Variants in PTPRT observed in about 807,000 individuals in gnomAD.
PTPRT encodes the protein protein tyrosine phosphatase receptor type T, also known as receptor-type tyrosine-protein phosphatase T.
PTPRT carries 56 observed loss-of-function variants against 176.8 expected under a neutral mutation model. The ratio of observed to expected loss-of-function variants is 0.32; its 90% CI spans 0.26 to 0.40. PTPRT has a LOEUF of 0.40. Ranked by LOEUF, PTPRT falls within the 10% of genes least tolerant of loss-of-function variation. The pLI is 1.00. For missense variants in PTPRT, 1,540 were observed against 1,908.2 expected, an observed-to-expected ratio of 0.81 and a Z score of 3.60; for synonymous variants, 783 against 739.0, an observed-to-expected ratio of 1.06 and a Z score of -0.96.
intron 16 of PTPRT, among the ~76,000 whole-genome samples, chr20:42,178,065 G>T (rs1480774738): frequency 1.3e-5 from 2 of 152,062 alleles, no homozygotes; most frequent in Non-Finnish European, 2.9e-5. Context: ...AGCCTCCCAA[G>T]TAGCTGGGAT....
intron 1 of PTPRT, among the ~76,000 whole-genome samples, chr20:43,060,942 C>T (rs1987430454): frequency 6.6e-6 from 1 of 151,862 alleles, no homozygotes; most frequent in African/African-American, 2.4e-5. Context: ...ACTTTCTAAC[C>T]CATATATTTA....
the PTPRT span, among the ~76,000 whole-genome samples, chr20:42,038,650 T>TA: frequency 1.3e-5 from 2 of 152,118 alleles, no homozygotes; most frequent in Admixed American, 6.5e-5. Flanking sequence ...TTCCCACCCT[T>TA]AAAAGGAGAG....
Position 42,976,687 on chromosome 20 carries a change from G to A in PTPRT, c.89-90755C>T, listed in dbSNP as rs540356723. Among the ~76,000 whole-genome samples, 8 of 152,186 alleles carry A rather than the reference G, an allele frequency of 5.3e-5. No homozygotes were observed. In the South Asian group the frequency reaches 1.0e-3, roughly 20 times the overall value. ...CTCCCCAAGTGCTGGGATTACAGGC[G>A]TGAGCCACCACACTCAGGCTGTTTA... On this transcript the variant is annotated intron_variant, in intron 1 of 30. Transcript: ENST00000373187.
chr20:42,581,325 C>A (rs776479549), intron 7 of PTPRT, among the ~76,000 whole-genome samples: 2 of 152,188 alleles, frequency 1.3e-5, no homozygotes, highest in African/African-American at 2.4e-5. Flanking sequence ...TTTTCTCTTA[C>A]TACCTTTTAG....
chr20:42,083,845 C>T (rs1023755694), intron 29 of PTPRT, among the ~76,000 whole-genome samples: 1 of 152,210 alleles, frequency 6.6e-6, no homozygotes, highest in Non-Finnish European at 1.5e-5. Flanking sequence ...ATATTTCACA[C>T]ATAGCTGTTA....
chr20:43,082,750 T>A (rs183341630), intron 1 of PTPRT, among the ~76,000 whole-genome samples: 3 of 152,086 alleles, frequency 2.0e-5, no homozygotes, highest in Non-Finnish European at 4.4e-5. Flanking sequence ...AACATAGAAA[T>A]TGACCCCCCC....
intron 7 of PTPRT, among the ~76,000 whole-genome samples, chr20:42,484,194 G>T (rs2071431741): frequency 6.6e-6 from 1 of 152,032 alleles, no homozygotes; most frequent in African/African-American, 2.4e-5. Flanking sequence ...CAGTGCCCTT[G>T]GTGTTTTGGT....
At chr20:42,262,067 A>C (rs1051608507) in intron 13 of PTPRT, among the ~76,000 whole-genome samples, 10 of 152,232 alleles carry the variant, frequency 6.6e-5, no homozygotes, top group African/African-American at 2.4e-4. Context: ...TAACCCGTGC[A>C]ACGGTAATAA....
In PTPRT at chr20:42,747,069, A is replaced by G. The variant is rs116933819; in HGVS notation, c.859+9393T>C. ...CAAATCAGAGCAAAGAAAGACCATA[A>G]GAGGAGCACAGGGAATTACAAAGCT... On this transcript the variant is annotated intron_variant, in intron 6 of 30. Coordinates refer to ENST00000373187, the MANE Select transcript of PTPRT (RefSeq NM_007050.6). Among the ~76,000 whole-genome samples the G allele has an allele frequency of 1.2e-3, 185 of 152,336 alleles. 2 individuals are homozygous for G. The East Asian group carries it at 0.026, about 21-fold the overall frequency.
At chr20:42,416,562 C>G (rs1051708909) in intron 9 of PTPRT, among the ~76,000 whole-genome samples, 6 of 152,140 alleles carry the variant, frequency 3.9e-5, no homozygotes, top group African/African-American at 1.4e-4. Context: ...ATTTGCTGCC[C>G]CTAAGTTAAA....
intron 1 of PTPRT, among the ~76,000 whole-genome samples, chr20:42,961,806 G>C (rs1340007648): frequency 6.6e-6 from 1 of 152,220 alleles, no homozygotes; most frequent in African/African-American, 2.4e-5. Flanking sequence ...AGGATCTTGA[G>C]TGATGAGAGG....
At position 42,379,337 on chromosome 20, in the gene PTPRT, T is replaced by C. The variant is rs1432259925; in HGVS notation, c.1561-27052A>G. Among the ~76,000 whole-genome samples, 5 of 152,278 alleles carry C rather than the reference T, an allele frequency of 3.3e-5. No individual in the cohort carries two copies. In the South Asian group the frequency reaches 1.0e-3, roughly 32 times the overall value. ...GGTGAAATGCATGACAAAGTTCTAT[T>C]CATTTCCCTGCAGCAATAGAGAAAT... On this transcript the variant is annotated intron_variant, in intron 9 of 30. Transcript: ENST00000373187.
chr20:42,601,969 C>T (rs1294318390), intron 7 of PTPRT, among the ~76,000 whole-genome samples: 8 of 152,102 alleles, frequency 5.3e-5, no homozygotes, highest in Admixed American at 5.2e-4. Flanking sequence ...TAACAAGCAA[C>T]AAAAACTGAA....
intron 1 of PTPRT, among the ~76,000 whole-genome samples, chr20:43,097,025 C>T (rs981171771): frequency 6.6e-5 from 10 of 152,236 alleles, no homozygotes; most frequent in African/African-American, 2.2e-4. Context: ...CATAAATCTA[C>T]TTGCAGAGGA....
At chr20:42,386,586 T>C (rs2058746697) in intron 9 of PTPRT, among the ~76,000 whole-genome samples, 1 of 152,150 alleles carries the variant, frequency 6.6e-6, no homozygotes, top group Non-Finnish European at 1.5e-5. Flanking sequence ...CATACCTTCA[T>C]AACGATCCTG....
intron 7 of PTPRT, among the ~76,000 whole-genome samples, chr20:42,516,155 G>C (rs552697894): frequency 6.5e-4 from 98 of 150,822 alleles, no homozygotes; most frequent in African/African-American, 2.4e-3. Context: ...CCTAAGGCTA[G>C]ATGACGAGTT....
chr20:42,053,812 C>A, the PTPRT span, among the ~76,000 whole-genome samples: 1 of 152,202 alleles, frequency 6.6e-6, no homozygotes, highest in Non-Finnish European at 1.5e-5. Context: ...TATTTGGAGC[C>A]AGCTCCTGTT....
chr20:42,675,064 C>T (rs754774295), intron 7 of PTPRT, among the ~76,000 whole-genome samples: 14 of 152,154 alleles, frequency 9.2e-5, no homozygotes, highest in Admixed American at 8.5e-4. Context: ...CAGTTCCAAC[C>T]CCTACCTGGC....
intron 1 of PTPRT, among the ~76,000 whole-genome samples, chr20:42,927,694 C>G (rs939083993): frequency 2.0e-5 from 3 of 152,114 alleles, no homozygotes; most frequent in Non-Finnish European, 4.4e-5. Flanking sequence ...GTTCACAGCC[C>G]AGCAGGTCAC....
Sources: allele counts gnomAD v4.1 joint callset (sites outside exome capture counted in the v4.1 genomes callset), GRCh38; gene constraint gnomAD v4.1.1; transcripts MANE v1.5; gene names NCBI Gene and HGNC (gene_info 2026-07-23, HGNC 2026-07-21).